SFMBT2: variants seen among roughly 807,000 people sequenced by gnomAD.
The protein encoded by SFMBT2 is scm-like with four MBT domains protein 2.
Under a neutral mutation model 110.1 loss-of-function variants are expected in SFMBT2, and 38 were observed. The ratio of observed to expected loss-of-function variants is 0.35; its 90% confidence interval spans 0.27 to 0.45. The LOEUF (loss-of-function observed/expected upper bound fraction) is 0.45. SFMBT2 is among the 20% of genes least tolerant of loss of function. SFMBT2 has a pLI of 1.00. For synonymous variants in SFMBT2, 425 were observed against 425.4 expected (o/e 1.00, Z 0.01); for missense variants, 1,011 against 1,094.9 (o/e 0.92, Z 1.08).
At chr10:7,174,045 G>C (rs957967436) in intron 17 of SFMBT2, among the ~76,000 whole-genome samples, 7 of 152,250 alleles carry the variant, frequency 4.6e-5, no homozygotes. Flanking sequence ...TCACAGCATG[G>C]CATTTGGAAA....
intron 4 of SFMBT2, among the ~76,000 whole-genome samples, chr10:7,364,783 T>C (rs1467217620): frequency 1.3e-5 from 2 of 152,198 alleles, no homozygotes; most frequent in Non-Finnish European, 2.9e-5. Context: ...CCCAAGTGTG[T>C]ACACGGCCCC....
intron 11 of SFMBT2, chr10:7,206,971 A>G: frequency 1.0e-6 from 1 of 981,342 alleles, no homozygotes; most frequent in Admixed American, 6.1e-5. Flanking sequence ...CATGACTGTA[A>G]TCCCAGCACT....
rs1588748270 is a variant in SFMBT2, at chr10:7,158,961, T to A, written c.*4809A>T. The A allele has an allele frequency of 1.3e-5, 2 of 152,184 alleles. No individual in the cohort carries two copies. Among genetic ancestry groups the A allele is most frequent in the Non-Finnish European group, 2.9e-5 (2 of 68,034 alleles). The allele number at this position is 152,184 out of a possible 1,614,324, so 9.4% of individuals were successfully genotyped here. ...GAGGGATAGTTGATGCTTCCAGAGA[T>A]CATGCTGGCTCCTGTTTCAAGCAAG... On this transcript the variant is annotated 3_prime_UTR_variant, in exon 21 of 21. Coordinates refer to ENST00000397167, the MANE Select transcript of SFMBT2 (RefSeq NM_001387889.1).
intron 9 of SFMBT2, among the ~76,000 whole-genome samples, chr10:7,242,431 T>A (rs995767131): frequency 6.6e-6 from 1 of 152,200 alleles, no homozygotes; most frequent in African/African-American, 2.4e-5. Flanking sequence ...GCGCAAGTTA[T>A]ATAAACTCTC....
intron 4 of SFMBT2, among the ~76,000 whole-genome samples, chr10:7,340,811 T>C (rs77837449): frequency 7.7e-6 from 1 of 129,258 alleles, no homozygotes; most frequent in African/African-American, 2.9e-5. Flanking sequence ...GTCATTGACT[T>C]AAAAAAAAAA....
chr10:7,389,074 G>GCA (rs1564471465), intron 1 of SFMBT2, among the ~76,000 whole-genome samples: 1 of 152,210 alleles, frequency 6.6e-6, no homozygotes, highest in Non-Finnish European at 1.5e-5. Flanking sequence ...TCTTTTCACA[G>GCA]CACACAGTCA....
chr10:7,360,475 A>G (rs369797079), intron 4 of SFMBT2, among the ~76,000 whole-genome samples: 2 of 152,192 alleles, frequency 1.3e-5, no homozygotes, highest in Non-Finnish European at 2.9e-5. Flanking sequence ...TCAAAAAAAT[A>G]AAAATAAAAA....
chr10:7,375,240 C>A lies in SFMBT2; in HGVS notation c.101-4865G>T, dbSNP rs755145637. On this transcript the variant is annotated intron_variant, in intron 2 of 20. Coordinates refer to ENST00000397167, the MANE Select transcript of SFMBT2 (RefSeq NM_001387889.1). ...ATACCTCACTATACCTTACTAGAAGCTGGAGTGTAAGTGACGTGAGAGTGA... is the reference window on the plus strand; with the variant it reads ...ATACCTCACTATACCTTACTAGAAGATGGAGTGTAAGTGACGTGAGAGTGA... Among the ~76,000 whole-genome samples, 90 of 152,282 alleles carry A rather than the reference C, an allele frequency of 5.9e-4. 1 individual carries two copies. The highest frequency in any genetic ancestry group is 1.2e-3 in the Non-Finnish European group (80 of 68,032).
intron 6 of SFMBT2, among the ~76,000 whole-genome samples, chr10:7,282,978 G>A (rs909654664): frequency 1.3e-5 from 2 of 152,134 alleles, no homozygotes; most frequent in African/African-American, 4.8e-5. Context: ...AGGCCGGTAA[G>A]AGGAGGCCGG....
intron 4 of SFMBT2, among the ~76,000 whole-genome samples, chr10:7,349,576 G>T (rs980711148): frequency 6.8e-6 from 1 of 146,882 alleles, no homozygotes; most frequent in Non-Finnish European, 1.5e-5. Flanking sequence ...TCCTGCCTCA[G>T]CCTCTCGACT....
chr10:7,228,726 TCTTTCTTTC>T (rs1564395277), intron 9 of SFMBT2, among the ~76,000 whole-genome samples: 1 of 106,002 alleles, frequency 9.4e-6, no homozygotes. Context: ...TTTCTTTCTT[TCTTTCTTTC>T]CTTTCTCTCT....
In SFMBT2 at chr10:7,292,292, T is replaced by C. The variant is rs578197691; in HGVS notation, c.437-6338A>G. ...GAAAAAAGGAGGCAACAGTACACCT[T>C]GAATGATAAATGGAAGCACCTGCTC... On this transcript the variant is annotated intron_variant, in intron 4 of 20. Coordinates refer to ENST00000397167, the MANE Select transcript of SFMBT2 (RefSeq NM_001387889.1). 1.0e-3 allele frequency: 250 copies of C among 244,120 alleles called. 2 individuals are homozygous for C. Among genetic ancestry groups the C allele is most frequent in the South Asian group, 2.8e-3 (19 of 6,742 alleles). The allele number at this position is 244,120 out of a possible 1,614,324, so 15.1% of individuals were successfully genotyped here.
intron 7 of SFMBT2, among the ~76,000 whole-genome samples, chr10:7,251,878 T>A (rs112133967): frequency 0.014 from 2,119 of 152,078 alleles, 21 homozygotes; most frequent in South Asian, 0.046. Flanking sequence ...CAAGCATGGG[T>A]CTTCTCCCTG....
chr10:7,166,511 T>G (rs1387467256), intron 20 of SFMBT2, among the ~76,000 whole-genome samples: 1 of 152,236 alleles, frequency 6.6e-6, no homozygotes, highest in Non-Finnish European at 1.5e-5. Context: ...TTATTGAGCA[T>G]CTACTAAGTG....
intron 7 of SFMBT2, among the ~76,000 whole-genome samples, chr10:7,266,129 A>C (rs1002878958): frequency 6.6e-6 from 1 of 151,146 alleles, no homozygotes; most frequent in Non-Finnish European, 1.5e-5. Context: ...TTGCTCTGTC[A>C]CCCAGGCTGG....
At position 7,410,991 on chromosome 10, in the gene SFMBT2, G is replaced by A. The variant is rs1846364261; in HGVS notation, c.-182C>T. ...TCCCCGCCCGCCGCCTCCCTCGCGC[G>A]CCCGCTCCGGTCCTCCGGCTCCCAC... On this transcript the variant is annotated 5_prime_UTR_variant, in exon 1 of 21. Transcript: ENST00000397167. Among the ~76,000 whole-genome samples, 2 of 145,272 alleles carry A rather than the reference G, an allele frequency of 1.4e-5. No homozygotes were observed. The highest frequency in any genetic ancestry group is 1.4e-4 in the Admixed American group (2 of 14,638).
At chr10:7,336,071 C>A (rs1173451648) in intron 4 of SFMBT2, among the ~76,000 whole-genome samples, 1 of 152,180 alleles carries the variant, frequency 6.6e-6, no homozygotes, top group Non-Finnish European at 1.5e-5. Context: ...ATATTTCCAC[C>A]CATCTTAACT....
intron 4 of SFMBT2, among the ~76,000 whole-genome samples, chr10:7,334,981 G>A (rs184608051): frequency 1.1e-3 from 174 of 152,280 alleles, no homozygotes; most frequent in African/African-American, 3.6e-3. Flanking sequence ...GAATTGAGGC[G>A]GGAGCATAAA....
chr10:7,238,738 T>C (rs1312451575), intron 9 of SFMBT2, among the ~76,000 whole-genome samples: 1 of 152,194 alleles, frequency 6.6e-6, no homozygotes, highest in Non-Finnish European at 1.5e-5. Flanking sequence ...AGGCTGAACA[T>C]TTTCTACAAA....
Sources: allele counts gnomAD v4.1 joint callset (sites outside exome capture counted in the v4.1 genomes callset), GRCh38; gene constraint gnomAD v4.1.1; transcripts MANE v1.5; gene names NCBI Gene and HGNC (gene_info 2026-07-23, HGNC 2026-07-21).